Variants in PTPRT observed in about 807,000 individuals in gnomAD.
PTPRT encodes the protein protein tyrosine phosphatase receptor type T.
Under a neutral mutation model 176.8 loss-of-function variants are expected in PTPRT, and 56 were observed. The observed-to-expected ratio is 0.32, with a 90% CI of 0.26 to 0.40. The LOEUF is 0.40. Ranked by LOEUF, PTPRT falls within the 10% of genes least tolerant of loss-of-function variation. The pLI, the probability that PTPRT is intolerant of heterozygous loss-of-function variation, is 1.00. For missense variants in PTPRT, 1,540 were observed against 1,908.2 expected (o/e 0.81, Z 3.60); for synonymous variants, 783 against 739.0 (o/e 1.06, Z -0.96).
intron 1 of PTPRT, among the ~76,000 whole-genome samples, chr20:42,928,373 A>G (rs1159930303): frequency 6.6e-6 from 1 of 152,210 alleles, no homozygotes; most frequent in Non-Finnish European, 1.5e-5. Flanking sequence ...CAGGACACAG[A>G]TGACTGCATC....
chr20:42,850,675 C>T (rs966105186), intron 2 of PTPRT, among the ~76,000 whole-genome samples: 2 of 152,196 alleles, frequency 1.3e-5, no homozygotes, highest in African/African-American at 4.8e-5. Flanking sequence ...CTTTGTGAGG[C>T]CAGCTGCTGG....
At chr20:42,200,061 T>C (rs1264957506) in intron 15 of PTPRT, among the ~76,000 whole-genome samples, 4 of 140,566 alleles carry the variant, frequency 2.8e-5, no homozygotes, top group South Asian at 2.2e-4. Flanking sequence ...CACAAAAAAA[T>C]ACACACACAC....
intron 1 of PTPRT, among the ~76,000 whole-genome samples, chr20:43,128,161 G>C (rs2013514439): frequency 6.6e-6 from 1 of 152,232 alleles, no homozygotes; most frequent in African/African-American, 2.4e-5. Flanking sequence ...GTGAGAAGCA[G>C]AGCAAGTCTG....
chr20:42,940,892 C>A (rs1053247124), intron 1 of PTPRT, among the ~76,000 whole-genome samples: 2 of 151,800 alleles, frequency 1.3e-5, no homozygotes, highest in East Asian at 1.9e-4. Flanking sequence ...CCAGCCTGAC[C>A]AATAAGGTGA....
chr20:42,423,178 T>TAAAAAAAAA (rs34775268), intron 9 of PTPRT, among the ~76,000 whole-genome samples: 158 of 87,562 alleles, frequency 1.8e-3, no homozygotes, highest in Admixed American at 2.4e-3. Context: ...ACCTTAAAAG[T>TAAAAAAAAA]AAAAAAAAAA....
Position 43,160,635 on chromosome 20 carries a change from T to C in PTPRT, c.88+29011A>G, listed in dbSNP as rs138947872. Reference sequence around the variant, plus strand: ...AGCCAGTCAACAGGTAAGCCTACACTTACCCACCCATGAAGTCAGCCTTGA... The same window carrying C: ...AGCCAGTCAACAGGTAAGCCTACACCTACCCACCCATGAAGTCAGCCTTGA... On this transcript the variant is annotated intron_variant, in intron 1 of 30. Coordinates refer to ENST00000373187, the MANE Select transcript of PTPRT (RefSeq NM_007050.6). Among the ~76,000 whole-genome samples the C allele has an allele frequency of 1.9e-4, 29 of 152,258 alleles. 1 individual carries two copies. The East Asian group carries it at 5.6e-3, about 29-fold the overall frequency.
chr20:43,126,346 G>A (rs554826194), intron 1 of PTPRT, among the ~76,000 whole-genome samples: 43 of 148,398 alleles, frequency 2.9e-4, no homozygotes, highest in Admixed American at 7.5e-4. Flanking sequence ...GCAAGACTTC[G>A]TTTCAAAGAG....
At chr20:42,092,616 C>T (rs1984741738) in intron 27 of PTPRT, among the ~76,000 whole-genome samples, 1 of 152,208 alleles carries the variant, frequency 6.6e-6, no homozygotes, top group African/African-American at 2.4e-5. Flanking sequence ...AGAGACACAG[C>T]CCCTTGCAAA....
chr20:42,592,350 CTCTG>C (rs1304932354), intron 7 of PTPRT, among the ~76,000 whole-genome samples: 1 of 152,150 alleles, frequency 6.6e-6, no homozygotes, highest in Non-Finnish European at 1.5e-5. Context: ...ACTTGTGCTT[CTCTG>C]TCTGGAGGAG....
chr20:43,083,565 G>A (rs1452638958), intron 1 of PTPRT, among the ~76,000 whole-genome samples: 1 of 151,298 alleles, frequency 6.6e-6, no homozygotes, highest in Non-Finnish European at 1.5e-5. Context: ...CACCATGTTC[G>A]GCAGGCTGGT....
At chr20:42,090,001 C>T (rs1984440970) in intron 27 of PTPRT, among the ~76,000 whole-genome samples, 1 of 152,062 alleles carries the variant, frequency 6.6e-6, no homozygotes, top group Admixed American at 6.5e-5. Flanking sequence ...GCAAAAGGTG[C>T]GAAAATGCAT....
intron 9 of PTPRT, among the ~76,000 whole-genome samples, chr20:42,360,202 T>C (rs1426673741): frequency 6.6e-6 from 1 of 152,194 alleles, no homozygotes; most frequent in African/African-American, 2.4e-5. Flanking sequence ...ACCATCCTGC[T>C]CCTTAGCTAC....
chr20:42,224,359 T>G (rs149739480), intron 15 of PTPRT, among the ~76,000 whole-genome samples: 13 of 152,346 alleles, frequency 8.5e-5, no homozygotes, highest in African/African-American at 2.6e-4. Flanking sequence ...ATGACCTCTG[T>G]ACATTTATGA....
At chr20:42,846,832 G>A (rs144321761) in intron 2 of PTPRT, among the ~76,000 whole-genome samples, 97 of 152,158 alleles carry the variant, frequency 6.4e-4, no homozygotes, top group African/African-American at 2.3e-3. Context: ...TTTTTCCTTT[G>A]TTTTCCTGTG....
In PTPRT at chr20:42,610,896, T is replaced by C. The variant is rs577264482; in HGVS notation, c.1153+66970A>G. ...ACCACTAATCTTCTTTCCGTGTCTA[T>C]AGACTTACCTATTCTGAACATTGCA... is the stretch of plus-strand genomic sequence containing the variant. On this transcript the variant is annotated intron_variant, in intron 7 of 30. Coordinates refer to ENST00000373187, the MANE Select transcript of PTPRT (RefSeq NM_007050.6). 5.3e-5 allele frequency among the ~76,000 whole-genome samples: 8 copies of C among 151,664 alleles called. No individual in the cohort carries two copies. In the East Asian group the frequency reaches 5.8e-4, roughly 11 times the overall value.
At chr20:43,091,517 TC>T (rs2011867589) in intron 1 of PTPRT, among the ~76,000 whole-genome samples, 4 of 147,740 alleles carry the variant, frequency 2.7e-5, no homozygotes, top group African/African-American at 1.0e-4. Flanking sequence ...CTCCCCCCTC[TC>T]TTTCTCTCTC....
chr20:42,186,369 C>A (rs1024192050), intron 16 of PTPRT, among the ~76,000 whole-genome samples: 9 of 149,958 alleles, frequency 6.0e-5, no homozygotes, highest in Non-Finnish European at 1.3e-4. Flanking sequence ...TCCCATCCCA[C>A]GCTCCTTCTA....
chr20:42,049,262 A>G, the PTPRT span, among the ~76,000 whole-genome samples: 10 of 152,222 alleles, frequency 6.6e-5, no homozygotes, highest in Non-Finnish European at 1.2e-4. Flanking sequence ...TGCACATCGA[A>G]GCTGCTGGCA....
intron 17 of PTPRT, among the ~76,000 whole-genome samples, chr20:42,160,771 G>A (rs1017743233): frequency 6.6e-6 from 1 of 152,230 alleles, no homozygotes; most frequent in African/African-American, 2.4e-5. Flanking sequence ...ATGCTTTGGG[G>A]AGATGGGAAA....
Sources: allele counts gnomAD v4.1 joint callset (sites outside exome capture counted in the v4.1 genomes callset), GRCh38; gene constraint gnomAD v4.1.1; transcripts MANE v1.5; gene names NCBI Gene and HGNC (gene_info 2026-07-23, HGNC 2026-07-21).